The following BPNT1 variants were observed in gnomAD, a reference collection of about 807,000 sequenced individuals.
The protein encoded by BPNT1 is 3'(2'), 5'-bisphosphate nucleotidase 1, also known as 3'(2'),5'-bisphosphate nucleotidase 1.
Under a neutral mutation model 36.9 loss-of-function variants are expected in BPNT1, and 28 were observed. The ratio of observed to expected loss-of-function variants is 0.76; its 90% CI spans 0.56 to 1.04. BPNT1 has a LOEUF of 1.04. Ranked by LOEUF, BPNT1 falls within the 50% of genes least tolerant of loss-of-function variation. BPNT1 has a pLI of 0.00. For synonymous variants in BPNT1, 119 were observed against 130.9 expected (o/e 0.91, Z 0.62); for missense variants, 313 against 372.9 (o/e 0.84, Z 1.32).
At chr1:220,079,643 A>T in intron 2 of BPNT1, 84 bp downstream of exon 2, 3 of 1,541,792 alleles carry the variant, frequency 1.9e-6, no homozygotes, top group Non-Finnish European at 2.7e-6. Flanking sequence ...TAACTGATAA[A>T]GTCTGTCCAC....
chr1:220,077,671 G>A (rs1031153667), intron 2 of BPNT1, among the ~76,000 whole-genome samples: 2 of 152,000 alleles, frequency 1.3e-5, no homozygotes, highest in East Asian at 1.9e-4. Context: ...GTGAACTCAC[G>A]TCAACTTTTT....
Position 220,058,953 on chromosome 1 carries a change from T to A in BPNT1, c.818A>T (p.His273Leu). 1 of 1,613,888 alleles carries A rather than the reference T, an allele frequency of 6.2e-7. No homozygotes were observed. The highest frequency in any genetic ancestry group is 8.5e-7 in the Non-Finnish European group (1 of 1,179,766). ...TDIHGNVLQYHKDVKHMNSAG... is the reference protein window; with the variant it reads ...TDIHGNVLQYLKDVKHMNSAG... Reference sequence around the variant, plus strand: ...AGAGTTCATATGCTTCACATCCTTGTGGTACTGAAGAACATTCCCATGGAT... The same window carrying A: ...AGAGTTCATATGCTTCACATCCTTGAGGTACTGAAGAACATTCCCATGGAT... The change falls in exon 9 of 9, where the codon CAC becomes CTC. Residue 273 changes from histidine to leucine, a missense_variant. Physicochemically the swap from His to Leu is moderately conservative, Grantham distance 99. Transcript: ENST00000322067.
At chr1:220,078,436 T>C (rs1664778606) in intron 2 of BPNT1, among the ~76,000 whole-genome samples, 1 of 140,218 alleles carries the variant, frequency 7.1e-6, no homozygotes, top group Non-Finnish European at 1.5e-5. Context: ...AATAATTATA[T>C]ATAATAATTA....
intron 1 of BPNT1, among the ~76,000 whole-genome samples, chr1:220,085,838 CA>C (rs1655666599): frequency 6.6e-6 from 1 of 152,194 alleles, no homozygotes; most frequent in South Asian, 2.1e-4. Context: ...GAAGTCTTTA[CA>C]ACTGCCAAAG....
intron 7 of BPNT1, among the ~76,000 whole-genome samples, chr1:220,061,534 A>T (rs1461273231): frequency 1.1e-5 from 1 of 93,232 alleles, no homozygotes. Context: ...ACTCCGTCTC[A>T]AAAAAAAAAA....
At chr1:220,079,648 G>T in intron 2 of BPNT1, 79 bp downstream of exon 2, 1 of 1,555,856 alleles carries the variant, frequency 6.4e-7, no homozygotes, top group Non-Finnish European at 8.8e-7. Context: ...GATAAAGTCT[G>T]TCCACATTTT....
chr1:220,082,691 ATTCTTGTG>A (rs1409533096), intron 1 of BPNT1, among the ~76,000 whole-genome samples: 5 of 151,522 alleles, frequency 3.3e-5, no homozygotes, highest in Admixed American at 3.3e-4. Context: ...GGCTCAAGTG[ATTCTTGTG>A]CTTCAGCCTC....
chr1:220,079,637 T>G, intron 2 of BPNT1, 90 bp downstream of exon 2: 2 of 1,504,772 alleles, frequency 1.3e-6, no homozygotes, highest in Non-Finnish European at 1.8e-6. Context: ...TTATTTTAAC[T>G]GATAAAGTCT....
At chr1:220,060,264 C>T (rs1346294066) in intron 7 of BPNT1, among the ~76,000 whole-genome samples, 3 of 152,054 alleles carry the variant, frequency 2.0e-5, no homozygotes, top group East Asian at 1.9e-4. Flanking sequence ...TCACTTGCAG[C>T]CAGGAGTTTG....
intron 6 of BPNT1, among the ~76,000 whole-genome samples, chr1:220,065,497 T>C (rs1663456607): frequency 6.6e-6 from 1 of 152,192 alleles, no homozygotes; most frequent in African/African-American, 2.4e-5. Flanking sequence ...TTTCAGTATA[T>C]GTTGGAAGCA....
At chr1:220,071,319 A>C (rs1664041565) in intron 4 of BPNT1, among the ~76,000 whole-genome samples, 1 of 152,146 alleles carries the variant, frequency 6.6e-6, no homozygotes, top group African/African-American at 2.4e-5. Context: ...GCAACTATAA[A>C]AAGCAAGCAG....
intron 2 of BPNT1, among the ~76,000 whole-genome samples, chr1:220,076,701 T>TTAATAGTAATAA (rs1553261269): frequency 1.4e-5 from 2 of 144,164 alleles, no homozygotes; most frequent in African/African-American, 5.0e-5. Context: ...AAAAAATAAA[T>TTAATAGTAATAA]TAATAATAAT....
At chr1:220,082,146 GAT>G (rs1491364128) in intron 1 of BPNT1, among the ~76,000 whole-genome samples, 1 of 137,216 alleles carries the variant, frequency 7.3e-6, no homozygotes, top group South Asian at 2.3e-4. Context: ...AAATATATAT[GAT>G]ATATATGTAT....
chr1:220,083,577 C>T (rs1272096145), intron 1 of BPNT1, among the ~76,000 whole-genome samples: 1 of 152,024 alleles, frequency 6.6e-6, no homozygotes, highest in Non-Finnish European at 1.5e-5. Flanking sequence ...TCGCAAAGTG[C>T]TGGGATTACA....
intron 4 of BPNT1, among the ~76,000 whole-genome samples, 179 bp from the exon 5 acceptor site, chr1:220,069,611 A>G (rs1391505189): frequency 1.3e-5 from 2 of 152,160 alleles, no homozygotes; most frequent in African/African-American, 2.4e-5. Context: ...AATCATGGAA[A>G]AAGTCCATTT....
intron 1 of BPNT1, among the ~76,000 whole-genome samples, chr1:220,082,085 T>TATATATATATAGAG (rs1171093697): frequency 1.5e-4 from 15 of 103,280 alleles, no homozygotes; most frequent in African/African-American, 5.7e-4. Flanking sequence ...TATATATATA[T>TATATATATATAGAG]AGAGAGAGAG....
intron 1 of BPNT1, among the ~76,000 whole-genome samples, chr1:220,081,183 C>G (rs2102748655): frequency 1.3e-5 from 2 of 152,316 alleles, no homozygotes; most frequent in South Asian, 4.1e-4. Context: ...GATCCCCCCC[C>G]TTGGCCTCCC....
At chr1:220,069,363 G>A (rs779600926) in intron 5 of BPNT1, 21 bp downstream of exon 5, 6 of 1,563,618 alleles carry the variant, frequency 3.8e-6, no homozygotes, top group Admixed American at 1.9e-5. Flanking sequence ...TGTCAAATAT[G>A]AATACAAAAG....
Position 220,057,759 on chromosome 1 carries a change from T to C in BPNT1, c.*1085A>G, listed in dbSNP as rs564349777. The C allele has an allele frequency of 3.2e-4, 282 of 876,868 alleles. 8 individuals are homozygous for C. The South Asian group carries it at 4.3e-3, about 13-fold the overall frequency. 54.3% of individuals were successfully genotyped at this position (876,868 alleles called of 1,614,324 possible). Reference sequence around the variant, plus strand: ...TAAATAATTTATTTAAAAAAAACTTTTCTCATAAATCTGTTTCATAAGCAT... The same window carrying C: ...TAAATAATTTATTTAAAAAAAACTTCTCTCATAAATCTGTTTCATAAGCAT... On this transcript the variant is annotated 3_prime_UTR_variant, in exon 9 of 9. Transcript: ENST00000322067.
Sources: gnomAD v4.1 joint callset for allele counts (sites outside exome capture counted in the v4.1 genomes callset) on GRCh38, gnomAD v4.1.1 for gene constraint, MANE v1.5 for transcripts, NCBI Gene and HGNC (gene_info 2026-07-23, HGNC 2026-07-21) for gene names.